The following PITPNC1 variants were observed in gnomAD, a reference collection of about 807,000 sequenced individuals.
The protein encoded by PITPNC1 is phosphatidylinositol transfer protein cytoplasmic 1, also known as cytoplasmic phosphatidylinositol transfer protein 1.
A neutral mutation model predicts 44.7 loss-of-function variants in PITPNC1; 18 were observed. That is an observed-to-expected ratio of 0.40 (90% CI 0.28 to 0.60). The LOEUF (loss-of-function observed/expected upper bound fraction) is 0.60, where lower values mean the gene tolerates loss of function less well. PITPNC1 is among the 20% of genes least tolerant of loss of function. The probability of loss-of-function intolerance (pLI) is 0.39; values close to 1 mark genes in which losing one functional copy is unlikely to be tolerated. For synonymous variants in PITPNC1, 141 were observed against 149.6 expected, an observed-to-expected ratio of 0.94 and a Z score of 0.42; for missense variants, 290 against 418.4, an observed-to-expected ratio of 0.69 and a Z score of 2.68.
At chr17:67,523,629 C>T (rs192895201) in intron 1 of PITPNC1, among the ~76,000 whole-genome samples, 80 of 151,844 alleles carry the variant, frequency 5.3e-4, no homozygotes, top group Admixed American at 3.0e-3. Flanking sequence ...AGAATCAGGA[C>T]GCTGGCTTCA....
intron 5 of PITPNC1, among the ~76,000 whole-genome samples, chr17:67,627,308 C>T (rs1303223265): frequency 6.6e-6 from 1 of 152,212 alleles, no homozygotes; most frequent in African/African-American, 2.4e-5. Flanking sequence ...ATGTTGGGTT[C>T]CTCAATGTGA....
chr17:67,467,186 C>T (rs1263689408), intron 1 of PITPNC1, among the ~76,000 whole-genome samples: 1 of 151,440 alleles, frequency 6.6e-6, no homozygotes, highest in Non-Finnish European at 1.5e-5. Context: ...GCTGGGATTA[C>T]AGGTGTGCAC....
intron 4 of PITPNC1, among the ~76,000 whole-genome samples, chr17:67,563,512 CAAG>C (rs1283821040): frequency 1.3e-5 from 2 of 152,156 alleles, no homozygotes; most frequent in Non-Finnish European, 2.9e-5. Flanking sequence ...GGCTGGTAAA[CAAG>C]AATAAAGCGT....
chr17:67,593,241 C>CT (rs1349551112), intron 5 of PITPNC1, among the ~76,000 whole-genome samples: 1 of 150,908 alleles, frequency 6.6e-6, no homozygotes, highest in Admixed American at 6.6e-5. Flanking sequence ...TTTATGATAG[C>CT]TGTCAGCCAG....
intron 8 of PITPNC1, among the ~76,000 whole-genome samples, chr17:67,684,464 C>T (rs997952895): frequency 2.0e-5 from 3 of 151,156 alleles, no homozygotes; most frequent in South Asian, 2.1e-4. Flanking sequence ...CCACAAGCAA[C>T]GCATATTTGA....
At chr17:67,395,922 ATAT>A (rs1183713252) in intron 1 of PITPNC1, among the ~76,000 whole-genome samples, 8 of 152,160 alleles carry the variant, frequency 5.3e-5, no homozygotes, top group African/African-American at 1.9e-4. Context: ...TCATTTTTTA[ATAT>A]TATGTTTTTG....
chr17:67,576,939 T>C (rs2041157610), intron 4 of PITPNC1, among the ~76,000 whole-genome samples: 1 of 152,196 alleles, frequency 6.6e-6, no homozygotes, highest in Non-Finnish European at 1.5e-5. Context: ...CTGTTTTAAC[T>C]CTGTTGGGGT....
At chr17:67,395,607 A>G (rs959238834) in intron 1 of PITPNC1, among the ~76,000 whole-genome samples, 5 of 152,200 alleles carry the variant, frequency 3.3e-5, no homozygotes, top group African/African-American at 9.6e-5. Flanking sequence ...ACTTAAAATA[A>G]TAACAGTGAT....
chr17:67,630,855 G>A (rs886072184), intron 5 of PITPNC1, among the ~76,000 whole-genome samples: 3 of 151,386 alleles, frequency 2.0e-5, no homozygotes, highest in Non-Finnish European at 4.4e-5. Flanking sequence ...GGGATTACAG[G>A]TGTGCAGCAT....
At chr17:67,388,895 G>A (rs988373639) in intron 1 of PITPNC1, among the ~76,000 whole-genome samples, 10 of 152,122 alleles carry the variant, frequency 6.6e-5, no homozygotes, top group Admixed American at 6.5e-5. Context: ...GAGCCACCGC[G>A]CCTGGCAGTA....
At chr17:67,425,204 C>CGG (rs2038740241) in intron 1 of PITPNC1, among the ~76,000 whole-genome samples, 1 of 10,720 alleles carries the variant, frequency 9.3e-5, no homozygotes, top group Non-Finnish European at 1.9e-4. Flanking sequence ...CACGCACACG[C>CGG]ACACACACAC....
chr17:67,583,833 G>C (rs531836959), intron 5 of PITPNC1, among the ~76,000 whole-genome samples: 2,453 of 150,866 alleles, frequency 0.016, 32 homozygotes, highest in South Asian at 0.046. Flanking sequence ...GTAGCTGGGA[G>C]TACAGGCGCC....
intron 1 of PITPNC1, among the ~76,000 whole-genome samples, chr17:67,409,564 G>A (rs4790977): frequency 6.6e-6 from 1 of 151,438 alleles, no homozygotes; most frequent in African/African-American, 2.4e-5. Context: ...GCGGGGCGGA[G>A]TTTCACTCTT....
intron 1 of PITPNC1, among the ~76,000 whole-genome samples, chr17:67,470,669 C>T (rs545936579): frequency 2.0e-5 from 3 of 152,126 alleles, no homozygotes; most frequent in Admixed American, 2.0e-4. Context: ...GTGAGGAGCC[C>T]CTCTGCCCGG....
chr17:67,512,331 C>G (rs1337166913), intron 1 of PITPNC1, among the ~76,000 whole-genome samples: 1 of 152,118 alleles, frequency 6.6e-6, no homozygotes, highest in African/African-American at 2.4e-5. Flanking sequence ...GAAACCCCGT[C>G]TCTACTAAAA....
chr17:67,492,503 C>T (rs1400654444), intron 1 of PITPNC1, among the ~76,000 whole-genome samples: 1 of 152,138 alleles, frequency 6.6e-6, no homozygotes, highest in African/African-American at 2.4e-5. Context: ...CTGCTGACAC[C>T]TTGATTTCTT....
intron 1 of PITPNC1, among the ~76,000 whole-genome samples, chr17:67,526,977 C>T (rs770374655): frequency 1.3e-5 from 2 of 152,018 alleles, no homozygotes; most frequent in Admixed American, 6.6e-5. Context: ...GTTCAGTCTG[C>T]AGCATGGAAC....
chr17:67,674,931 G>T (rs2042576119), intron 7 of PITPNC1, among the ~76,000 whole-genome samples: 1 of 150,444 alleles, frequency 6.6e-6, no homozygotes, highest in South Asian at 2.1e-4. Flanking sequence ...AGAATTGCTT[G>T]AACCCTGGAG....
At chr17:67,473,926 G>A (rs982072267) in intron 1 of PITPNC1, among the ~76,000 whole-genome samples, 1 of 152,184 alleles carries the variant, frequency 6.6e-6, no homozygotes, top group African/African-American at 2.4e-5. Flanking sequence ...TCTTCTGTAA[G>A]GGAAATTTGT....
Sources: allele counts gnomAD v4.1 joint callset (sites outside exome capture counted in the v4.1 genomes callset), GRCh38; gene constraint gnomAD v4.1.1; transcripts MANE v1.5; gene names NCBI Gene and HGNC (gene_info 2026-07-23, HGNC 2026-07-21).